PCDHA4: variants seen among roughly 807,000 people sequenced by gnomAD.
PCDHA4 encodes protocadherin alpha 4.
In PCDHA4, 49 loss-of-function variants were observed where a neutral mutation model predicts 61.4. The observed-to-expected ratio is 0.80, with a 90% CI of 0.63 to 1.01. PCDHA4 has a LOEUF of 1.01. Among genes scored for constraint, PCDHA4 ranks in the 50% least tolerant of loss-of-function variants. The pLI is 0.00. For missense variants in PCDHA4, 1,254 were observed against 1,235.8 expected (o/e 1.01, Z -0.22); for synonymous variants, 590 against 550.3 (o/e 1.07, Z -1.01).
At chr5:140,882,259 G>A (rs1554173247) in intron 1 of PCDHA4, 1 of 1,603,126 alleles carries the variant, frequency 6.2e-7, no homozygotes, top group Non-Finnish European at 8.5e-7. Flanking sequence ...TGAGGTTTTT[G>A]GAGTGTACCA....
intron 1 of PCDHA4, chr5:140,883,991 G>C: frequency 6.2e-7 from 1 of 1,612,972 alleles, no homozygotes; most frequent in South Asian, 1.1e-5. Flanking sequence ...CAGCGCGGGA[G>C]GCACAGTGAG....
intron 1 of PCDHA4, among the ~76,000 whole-genome samples, chr5:140,932,569 C>T (rs58622542): frequency 0.013 from 2,018 of 151,826 alleles, 38 homozygotes; most frequent in African/African-American, 0.046. Flanking sequence ...GTAGACTTTC[C>T]CATAGGGTAA....
chr5:140,835,333 A>C (rs1355221277), intron 1 of PCDHA4: 6 of 1,613,618 alleles, frequency 3.7e-6, no homozygotes, highest in Non-Finnish European at 5.1e-6. Context: ...AGAGCACACA[A>C]GATCCCAGTC....
chr5:140,984,726 A>C (rs549219216), intron 3 of PCDHA4, among the ~76,000 whole-genome samples: 51 of 152,276 alleles, frequency 3.3e-4, no homozygotes, highest in Non-Finnish European at 5.0e-4. Flanking sequence ...AAAGATTAAG[A>C]TTATGATTTA....
chr5:140,857,662 T>C lies in PCDHA4; in HGVS notation c.2385+48090T>C, dbSNP rs782577621. The C allele has an allele frequency of 7.5e-6, 12 of 1,596,412 alleles. 2 individuals are homozygous for C. The highest frequency in any genetic ancestry group is 6.7e-5 in the African/African-American group (5 of 74,166). On this transcript the variant is annotated intron_variant, in intron 1 of 3. Transcript: ENST00000530339. ...TACAGTTCCAGGTGAGCGCGCGCGA[T>C]GGGGGCGTGCCGCCTCTGGGCAGCA...
At chr5:140,882,129 T>C (rs2153382855) in intron 1 of PCDHA4, 5 of 1,473,110 alleles carry the variant, frequency 3.4e-6, no homozygotes, top group Non-Finnish European at 2.7e-6. Context: ...TCTTTCTTCC[T>C]GCAGAAAATA....
In PCDHA4 at chr5:140,857,745, C is replaced by A. The variant is rs782206343; in HGVS notation, c.2385+48173C>A. ...AACGACAACGCTCCCGCGCTGCTGG[C>A]GTCTCCCGCTGGCAGCGCGGGCGGT... is the stretch of plus-strand genomic sequence containing the variant. On this transcript the variant is annotated intron_variant, in intron 1 of 3. Coordinates refer to ENST00000530339, the MANE Select transcript of PCDHA4 (RefSeq NM_018907.4). 4.6e-5 allele frequency: 73 copies of A among 1,597,310 alleles called. 8 individuals carry two copies. Among genetic ancestry groups the A allele is most frequent in the Non-Finnish European group, 5.8e-5 (68 of 1,167,612 alleles).
intron 1 of PCDHA4, chr5:140,883,644 A>C (rs2059725253): frequency 1.2e-6 from 2 of 1,613,018 alleles, no homozygotes; most frequent in Non-Finnish European, 1.7e-6. Flanking sequence ...GCGCAGCCCG[A>C]GTACACGGTG....
At position 140,927,384 on chromosome 5, in the gene PCDHA4, C is replaced by G. The variant is rs2084146194; in HGVS notation, c.2386-51565C>G. On this transcript the variant is annotated intron_variant, in intron 1 of 3. Transcript: ENST00000530339. Reference sequence around the variant, plus strand: ...ATGGGATACTAAGCTACAGCCTAAGCCCCAGTCAGCACTTTCGCCTGGACA... The same window carrying G: ...ATGGGATACTAAGCTACAGCCTAAGGCCCAGTCAGCACTTTCGCCTGGACA... 1 of 1,613,996 alleles carries G rather than the reference C, an allele frequency of 6.2e-7. No individual in the cohort carries two copies. The highest frequency in any genetic ancestry group is 1.7e-5 in the Admixed American group (1 of 60,010).
intron 1 of PCDHA4, chr5:140,882,453 G>C: frequency 1.2e-6 from 2 of 1,614,042 alleles, no homozygotes; most frequent in South Asian, 2.2e-5. Flanking sequence ...CTGGTGCCGC[G>C]CCTGTTCCGG....
In PCDHA4 at chr5:140,895,583, A is replaced by C. The variant is rs545210218; in HGVS notation, c.2386-83366A>C. On this transcript the variant is annotated intron_variant, in intron 1 of 3. Coordinates refer to ENST00000530339, the MANE Select transcript of PCDHA4 (RefSeq NM_018907.4). ...ATATTCTAGATGCAATTACTTTATT[A>C]GATATATAATTTGCAAAGATTTTCT... Among the ~76,000 whole-genome samples, 15 of 152,292 alleles carry C rather than the reference A, an allele frequency of 9.8e-5. No individual in the cohort carries two copies. In the South Asian group the frequency reaches 3.1e-3, roughly 32 times the overall value.
chr5:140,807,725 C>G lies in PCDHA4; in HGVS notation c.538C>G (p.Leu180Val). The G allele has an allele frequency of 6.2e-7, 1 of 1,614,176 alleles. No individual in the cohort carries two copies. The highest frequency in any genetic ancestry group is 8.5e-7 in the Non-Finnish European group (1 of 1,180,038). Residue 180 changes from leucine (L) to valine (V), a missense_variant, in exon 1 of 4, where the codon CTG becomes GTG. Physicochemically the swap from Leu to Val is conservative, Grantham distance 32. Transcript: ENST00000530339. The stretch of plus-strand genomic sequence containing the variant: ...ACTGAGCCCAAATGAATACTTTTCT[C>G]TGGAAAAACCACCTGATGACGAGCT... ...YRLSPNEYFS[L>V]EKPPDDELVK...
chr5:140,959,795 T>G (rs2095511248), intron 1 of PCDHA4, among the ~76,000 whole-genome samples: 1 of 152,180 alleles, frequency 6.6e-6, no homozygotes, highest in Non-Finnish European at 1.5e-5. Flanking sequence ...CATGGCTAAT[T>G]TAGAGGATTT....
At chr5:140,884,722 T>C in intron 1 of PCDHA4, 2 of 1,460,382 alleles carry the variant, frequency 1.4e-6, no homozygotes, top group South Asian at 3.0e-5. Flanking sequence ...TGCAGTTGTT[T>C]GTTTAAGACA....
rs1764551285 is a variant in PCDHA4, at chr5:140,809,828, T to C, written c.2385+256T>C. On this transcript the variant is annotated intron_variant, in intron 1 of 3. Coordinates refer to ENST00000530339, the MANE Select transcript of PCDHA4 (RefSeq NM_018907.4). Reference sequence around the variant, plus strand: ...TAAATTTTCACTATATTCACCCTCTTTGTTTTTGGTAATAATCAACATTTT... The same window carrying C: ...TAAATTTTCACTATATTCACCCTCTCTGTTTTTGGTAATAATCAACATTTT... The C allele has an allele frequency of 1.4e-5, 5 of 363,892 alleles. No homozygotes were observed. In the East Asian group the frequency reaches 2.4e-4, roughly 18 times the overall value. The allele number at this position is 363,892 out of a possible 1,614,324, so 22.5% of individuals were successfully genotyped here. A position where few individuals can be genotyped will look rare whatever the true frequency, so the allele number is the denominator to read the frequency against.
intron 2 of PCDHA4, 72 bp downstream of exon 2, chr5:140,979,079 T>C (rs1019875909): frequency 9.5e-6 from 15 of 1,584,162 alleles, no homozygotes; most frequent in African/African-American, 6.8e-5. Flanking sequence ...TGCATCTCCA[T>C]AGGCCAGAAG....
rs782621350 is a variant in PCDHA4 at position 140,876,591 on chromosome 5, C to T, written c.2385+67019C>T. ...TGGGTACCGTCATTGCCCTGATTAG[C>T]GTGTCGGATCGTGACTCTGGAGCCA... On this transcript the variant is annotated intron_variant, in intron 1 of 3. Transcript: ENST00000530339. 9.5e-5 allele frequency: 153 copies of T among 1,614,058 alleles called. 1 individual carries two copies. The highest frequency in any genetic ancestry group is 8.2e-4 in the Middle Eastern group (5 of 6,082).
intron 1 of PCDHA4, among the ~76,000 whole-genome samples, chr5:140,946,631 T>TATATATATATATATATATACACAC (rs57893927): frequency 7.6e-6 from 1 of 131,846 alleles, no homozygotes; most frequent in South Asian, 2.2e-4. Context: ...TATATATATA[T>TATATATATATATATATATACACAC]ACAATGGAAT....
intron 1 of PCDHA4, among the ~76,000 whole-genome samples, chr5:140,880,368 T>G (rs1372331901): frequency 6.6e-6 from 1 of 152,170 alleles, no homozygotes; most frequent in African/African-American, 2.4e-5. Context: ...ATGAAAACCA[T>G]GAGAGAATAG....
Sources: allele counts gnomAD v4.1 joint callset (sites outside exome capture counted in the v4.1 genomes callset), GRCh38; gene constraint gnomAD v4.1.1; transcripts MANE v1.5; gene names NCBI Gene and HGNC (gene_info 2026-07-23, HGNC 2026-07-21).